CDADC1: variants seen among roughly 807,000 people sequenced by gnomAD.
CDADC1 encodes dCTP deaminase.
A neutral mutation model predicts 54.9 loss-of-function variants in CDADC1; 39 were observed. The ratio of observed to expected loss-of-function variants is 0.71; its 90% CI spans 0.55 to 0.93. The LOEUF (loss-of-function observed/expected upper bound fraction) is 0.93, where lower values mean the gene tolerates loss of function less well. Among genes scored for constraint, CDADC1 ranks in the 40% least tolerant of loss-of-function variants. The pLI is 0.00. For missense variants in CDADC1, 518 were observed against 618.8 expected (o/e 0.84, Z 1.73); for synonymous variants, 186 against 204.0 (o/e 0.91, Z 0.75).
chr13:49,273,437 G>T (rs894286755), intron 5 of CDADC1, among the ~76,000 whole-genome samples: 1 of 152,156 alleles, frequency 6.6e-6, no homozygotes, highest in Non-Finnish European at 1.5e-5. Context: ...ATTTGTCTTA[G>T]AAATTTGAAA....
intron 1 of CDADC1, chr13:49,248,325 C>T: frequency 1.8e-6 from 1 of 551,282 alleles, no homozygotes; most frequent in African/African-American, 1.9e-5. Context: ...TCGCTTTTTA[C>T]CCCTGTTAGC....
In CDADC1 at chr13:49,281,213, A is replaced by T. The variant is rs147389608; in HGVS notation, c.1410+515A>T. Among the ~76,000 whole-genome samples, 296 of 152,314 alleles carry T rather than the reference A, an allele frequency of 1.9e-3. 1 individual carries two copies. Among genetic ancestry groups the T allele is most frequent in the African/African-American group, 6.9e-3 (286 of 41,578 alleles). ...CCTAACTGCAACTGTTCAGCTAAGG[A>T]TTCCTGCCTTATGAATTTACATCTC... On this transcript the variant is annotated intron_variant, in intron 8 of 9. Coordinates refer to ENST00000251108, the MANE Select transcript of CDADC1 (RefSeq NM_030911.4).
At chr13:49,277,024 T>C (rs1953159638) in intron 6 of CDADC1, among the ~76,000 whole-genome samples, 2 of 152,192 alleles carry the variant, frequency 1.3e-5, no homozygotes, top group South Asian at 2.1e-4. Context: ...AGTCAAGTAA[T>C]CTGGGCTTGA....
intron 4 of CDADC1, chr13:49,265,935 G>A (rs1952804475): frequency 1.5e-6 from 2 of 1,302,502 alleles, no homozygotes; most frequent in African/African-American, 3.0e-5. Context: ...CTGCTGGTTA[G>A]GAAATGGATT....
intron 4 of CDADC1, among the ~76,000 whole-genome samples, chr13:49,259,833 C>A (rs1313253601): frequency 6.6e-6 from 1 of 151,548 alleles, no homozygotes; most frequent in African/African-American, 2.4e-5. Flanking sequence ...GGTGACAGAA[C>A]AAGACCTTGT....
At chr13:49,259,123 A>G (rs948495454) in intron 3 of CDADC1, among the ~76,000 whole-genome samples, 1 of 152,178 alleles carries the variant, frequency 6.6e-6, no homozygotes, top group African/African-American at 2.4e-5. Flanking sequence ...TTACATGCTT[A>G]ATTGTTTGAT....
At position 49,267,539 on chromosome 13, in the gene CDADC1, G is replaced by GCTTA. The variant is rs1416367749; in HGVS notation, c.482_485dup (p.Glu163TyrfsTer5). On this transcript the variant is annotated frameshift_variant, in exon 5 of 10. Transcript: ENST00000251108. LOFTEE classifies it high-confidence loss of function. ...GGCCTGCTGATCCAGAAATAAGTTTGCTTACGGAGGCTTCTAGTTCTGAAG... is the reference window on the plus strand; with the variant it reads ...GGCCTGCTGATCCAGAAATAAGTTTGCTTACTTACGGAGGCTTCTAGTTCTGAAG... The GCTTA allele has an allele frequency of 1.2e-6, 2 of 1,613,808 alleles. No individual in the cohort carries two copies. Among genetic ancestry groups the GCTTA allele is most frequent in the East Asian group, 2.2e-5 (1 of 44,870 alleles).
intron 7 of CDADC1, among the ~76,000 whole-genome samples, chr13:49,280,159 T>C (rs1953276203): frequency 2.0e-5 from 3 of 152,242 alleles, no homozygotes; most frequent in Admixed American, 2.0e-4. Flanking sequence ...TCCAGTATTC[T>C]AAACAGGTAC....
chr13:49,275,692 TATATA>T lies in CDADC1; in HGVS notation c.1050+1353_1050+1357del, dbSNP rs1953087161. Among the ~76,000 whole-genome samples the T allele has an allele frequency of 9.2e-4, 15 of 16,288 alleles. No homozygotes were observed. In the East Asian group the frequency reaches 0.013, roughly 15 times the overall value. 10.7% of individuals were successfully genotyped at this position (16,288 alleles called of 152,430 possible). A position where few individuals can be genotyped will look rare whatever the true frequency, so the allele number is the denominator to read the frequency against. ...TGAATTTTAAATTTTCTAGGTGTTA[TATATA>T]TATATATATATATATATATATATAT... On this transcript the variant is annotated intron_variant, in intron 6 of 9. Transcript: ENST00000251108.
At chr13:49,271,105 T>C (rs1372728990) in intron 5 of CDADC1, among the ~76,000 whole-genome samples, 3 of 152,140 alleles carry the variant, frequency 2.0e-5, no homozygotes, top group African/African-American at 7.2e-5. Flanking sequence ...AGAGGATCCA[T>C]AGAGATGTCA....
chr13:49,283,165 A>G (rs139554001), intron 8 of CDADC1, among the ~76,000 whole-genome samples: 1,794 of 126,858 alleles, frequency 0.014, 17 homozygotes, highest in Non-Finnish European at 0.023. Flanking sequence ...ATACATATAT[A>G]TGATTAACTT....
intron 6 of CDADC1, among the ~76,000 whole-genome samples, chr13:49,277,044 A>G (rs1953160643): frequency 6.6e-6 from 1 of 152,172 alleles, no homozygotes; most frequent in Non-Finnish European, 1.5e-5. Context: ...AATTCTGGCT[A>G]TGTTACTTAC....
chr13:49,267,653 T>C lies in CDADC1; in HGVS notation c.594T>C (p.Tyr198=), dbSNP rs151072033. The C allele has an allele frequency of 5.8e-5, 94 of 1,614,198 alleles. 1 individual carries two copies. The East Asian group carries it at 1.4e-3, about 24-fold the overall frequency. ...TCTTACTTCAACCTTTGGTGTGTTA[T>C]ATGGTGCAGTTTGTAGAGGAGACCT... The part of the protein sequence containing the change: ...VCVLLQPLVC[Y]MVQFVEETSY... Residue 198 remains tyrosine, a synonymous_variant, in exon 5 of 10, where the codon TAT becomes TAC. Coordinates refer to ENST00000251108, the MANE Select transcript of CDADC1 (RefSeq NM_030911.4).
At chr13:49,258,679 C>T (rs771197143) in intron 3 of CDADC1, among the ~76,000 whole-genome samples, 1 of 152,322 alleles carries the variant, frequency 6.6e-6, no homozygotes, top group East Asian at 1.9e-4. Context: ...CAAGTTCTCT[C>T]ATCCTTTTTG....
In CDADC1 at chr13:49,255,907, A is replaced by G; in HGVS notation, c.246A>G (p.Lys82=). 1 of 1,611,528 alleles carries G rather than the reference A, an allele frequency of 6.2e-7. No homozygotes were observed. The stretch of plus-strand genomic sequence containing the variant: ...AGAGGACCAGAGTATCTACTGACAA[A>G]AGACAGGTAAATTTTTATGATTTCA... ...NEERTRVSTD[K]RQVKRTGLVV... The change falls in exon 3 of 10, where the codon AAA becomes AAG. Residue 82 remains lysine (K), a synonymous_variant. Coordinates refer to ENST00000251108, the MANE Select transcript of CDADC1 (RefSeq NM_030911.4).
In CDADC1 at chr13:49,259,329, T is replaced by A; in HGVS notation, c.253-17T>A. On this transcript the variant is annotated splice_polypyrimidine_tract_variant and intron_variant, in intron 3 of 9. Coordinates refer to ENST00000251108, the MANE Select transcript of CDADC1 (RefSeq NM_030911.4). The stretch of plus-strand genomic sequence containing the variant: ...GGTGTTATAACTAATAAGTTGTTAT[T>A]TTATATCTTAATGTAGGTAAAGAGA... The A allele has an allele frequency of 6.4e-7, 1 of 1,556,498 alleles. No individual in the cohort carries two copies. Among genetic ancestry groups the A allele is most frequent in the Non-Finnish European group, 8.8e-7 (1 of 1,140,686 alleles).
chr13:49,286,845 A>G (rs1270618860), intron 9 of CDADC1, among the ~76,000 whole-genome samples: 4 of 152,224 alleles, frequency 2.6e-5, no homozygotes, highest in Non-Finnish European at 5.9e-5. Flanking sequence ...AAGTCTTACA[A>G]TTCTTTAGGC....
At chr13:49,290,310 TA>T (rs938475490) in intron 9 of CDADC1, among the ~76,000 whole-genome samples, 2 of 152,000 alleles carry the variant, frequency 1.3e-5, no homozygotes, top group Non-Finnish European at 2.9e-5. Context: ...AAACAAACTG[TA>T]ACTCTTTTGG....
chr13:49,283,225 A>G (rs1289729799), intron 8 of CDADC1, among the ~76,000 whole-genome samples: 1 of 152,160 alleles, frequency 6.6e-6, no homozygotes, highest in African/African-American at 2.4e-5. Context: ...ATATAGAAAC[A>G]TACTATCCAG....
Sources: gnomAD v4.1 joint callset for allele counts (sites outside exome capture counted in the v4.1 genomes callset) on GRCh38, gnomAD v4.1.1 for gene constraint, MANE v1.5 for transcripts, NCBI Gene and HGNC (gene_info 2026-07-23, HGNC 2026-07-21) for gene names.